The following MYOZ2 variants were observed in gnomAD, a reference collection of about 807,000 sequenced individuals.
The protein encoded by MYOZ2 is myozenin 2.
Under a neutral mutation model 25.4 loss-of-function variants are expected in MYOZ2, and 19 were observed. The observed-to-expected ratio is 0.75, with a 90% confidence interval of 0.52 to 1.10. MYOZ2 has a LOEUF of 1.10. MYOZ2 is among the 50% of genes least tolerant of loss of function. The pLI is 0.00. For synonymous variants in MYOZ2, 92 were observed against 106.9 expected, an observed-to-expected ratio of 0.86 and a Z score of 0.86; for missense variants, 270 against 317.9, an observed-to-expected ratio of 0.85 and a Z score of 1.15.
intron 2 of MYOZ2, among the ~76,000 whole-genome samples, chr4:119,143,330 G>A (rs1357982714): frequency 1.3e-5 from 2 of 151,846 alleles, no homozygotes; most frequent in African/African-American, 4.8e-5. Flanking sequence ...CGAGTAGCTG[G>A]GATTACAGGT....
At chr4:119,165,771 G>C (rs1023611090) in intron 5 of MYOZ2, among the ~76,000 whole-genome samples, 1 of 152,040 alleles carries the variant, frequency 6.6e-6, no homozygotes, top group South Asian at 2.1e-4. Context: ...GGAATAACTC[G>C]GATTTGTTTT....
At chr4:119,143,997 C>A (rs1273610196) in intron 2 of MYOZ2, among the ~76,000 whole-genome samples, 1 of 152,056 alleles carries the variant, frequency 6.6e-6, no homozygotes, top group Non-Finnish European at 1.5e-5. Context: ...TAACATCGAG[C>A]AAAACTATAG....
At chr4:119,138,219 C>G (rs185227325) in intron 2 of MYOZ2, among the ~76,000 whole-genome samples, 2 of 152,142 alleles carry the variant, frequency 1.3e-5, no homozygotes, top group Non-Finnish European at 2.9e-5. Flanking sequence ...AGCCCTCCCT[C>G]CCATGTCACT....
intron 2 of MYOZ2, among the ~76,000 whole-genome samples, chr4:119,137,909 G>C (rs1428233619): frequency 3.9e-5 from 6 of 152,068 alleles, no homozygotes; most frequent in Non-Finnish European, 8.8e-5. Flanking sequence ...ACTGGAGTTT[G>C]TGACAAAATT....
chr4:119,164,241 C>T lies in MYOZ2; in HGVS notation c.407C>T (p.Pro136Leu). 6.2e-7 allele frequency: 1 copy of T among 1,613,964 alleles called. No homozygotes were observed. Among genetic ancestry groups the T allele is most frequent in the Non-Finnish European group, 8.5e-7 (1 of 1,179,930 alleles). The change falls in exon 5 of 6, where the codon CCT becomes CTT. Residue 136 changes from proline to leucine, a missense_variant. Pro to Leu is a moderately conservative substitution (Grantham distance 98). Transcript: ENST00000307128. ...GYSGPLKEIP[P>L]EKFNTTAVPK... Reference sequence around the variant, plus strand: ...TCTGGACCACTGAAGGAAATTCCTCCTGAAAAATTCAACACCACAGCTGTC... The same window carrying T: ...TCTGGACCACTGAAGGAAATTCCTCTTGAAAAATTCAACACCACAGCTGTC...
chr4:119,136,777 T>C (rs1741034363), intron 2 of MYOZ2, among the ~76,000 whole-genome samples, 176 bp downstream of exon 2: 1 of 152,180 alleles, frequency 6.6e-6, no homozygotes, highest in East Asian at 1.9e-4. Flanking sequence ...TTTGTAGTCA[T>C]CCTTTCTCAT....
At chr4:119,147,275 G>GT (rs142008862) in intron 2 of MYOZ2, among the ~76,000 whole-genome samples, 33 of 145,696 alleles carry the variant, frequency 2.3e-4, no homozygotes, top group Admixed American at 2.7e-4. Context: ...TTACATTCCT[G>GT]TTTTTTTTTT....
In MYOZ2 at chr4:119,186,403, C is replaced by T; in HGVS notation, c.*203C>T. ...CTTACTTTAAAAAACTTATAACTCA[C>T]TTGTCTTCATTCATAATTTTGTTTT... On this transcript the variant is annotated 3_prime_UTR_variant, in exon 6 of 6. Transcript: ENST00000307128. 1 of 555,294 alleles carries T rather than the reference C, an allele frequency of 1.8e-6. No individual in the cohort carries two copies. The highest frequency in any genetic ancestry group is 1.9e-5 in the African/African-American group (1 of 52,510). The allele number at this position is 555,294 out of a possible 1,614,324, so 34.4% of individuals were successfully genotyped here. A position where few individuals can be genotyped will look rare whatever the true frequency, so the allele number is the denominator to read the frequency against.
intron 5 of MYOZ2, among the ~76,000 whole-genome samples, chr4:119,175,137 C>G (rs1742037898): frequency 6.6e-6 from 1 of 151,388 alleles, no homozygotes; most frequent in South Asian, 2.1e-4. Context: ...CAAGAACCCA[C>G]CAATTCCCGA....
At chr4:119,182,644 C>T (rs1397763317) in intron 5 of MYOZ2, among the ~76,000 whole-genome samples, 5 of 152,110 alleles carry the variant, frequency 3.3e-5, no homozygotes, top group Admixed American at 2.0e-4. Context: ...CAACCTTGAT[C>T]CCTCACATGC....
intron 2 of MYOZ2, among the ~76,000 whole-genome samples, chr4:119,148,318 T>C (rs922494673): frequency 3.9e-5 from 6 of 152,180 alleles, no homozygotes; most frequent in Non-Finnish European, 8.8e-5. Flanking sequence ...ATAAGTCTTG[T>C]TGTGAGTTAT....
chr4:119,165,299 C>T (rs1457415004), intron 5 of MYOZ2, among the ~76,000 whole-genome samples: 1 of 151,434 alleles, frequency 6.6e-6, no homozygotes. Flanking sequence ...CACTTGAACC[C>T]AGGAGTTCAA....
rs1215870476 is a variant in MYOZ2 at position 119,151,108 on chromosome 4, T to G, written c.246+67T>G. On this transcript the variant is annotated intron_variant, in intron 3 of 5. Coordinates refer to ENST00000307128, the MANE Select transcript of MYOZ2 (RefSeq NM_016599.5). ...ATATTTCTAAATTTGTATTTATGAC[T>G]AGTTTCTGAAGGAAGTATTCTATAT... 4 of 1,473,046 alleles carry G rather than the reference T, an allele frequency of 2.7e-6. No individual in the cohort carries two copies. The East Asian group carries it at 9.1e-5, about 33-fold the overall frequency. The allele number at this position is 1,473,046 out of a possible 1,614,324, so 91.2% of individuals were successfully genotyped here. A position where few individuals can be genotyped will look rare whatever the true frequency, so the allele number is the denominator to read the frequency against.
chr4:119,164,127 A>C (rs747960340), intron 4 of MYOZ2, 84 bp from the exon 5 acceptor site: 138 of 1,334,276 alleles, frequency 1.0e-4, no homozygotes, highest in Non-Finnish European at 1.4e-4. Flanking sequence ...CCCAGCATGA[A>C]AAATCAAACA....
intron 5 of MYOZ2, among the ~76,000 whole-genome samples, chr4:119,184,730 A>G (rs1055595031): frequency 6.6e-6 from 1 of 152,240 alleles, no homozygotes; most frequent in Non-Finnish European, 1.5e-5. Context: ...CAAAAAAGTT[A>G]TGTGGGATCT....
chr4:119,151,838 A>G (rs1741458625), intron 3 of MYOZ2, among the ~76,000 whole-genome samples: 1 of 152,148 alleles, frequency 6.6e-6, no homozygotes, highest in Admixed American at 6.6e-5. Flanking sequence ...GTTTCTTCCT[A>G]GAGCTATGAA....
At chr4:119,140,580 C>G (rs1741141483) in intron 2 of MYOZ2, among the ~76,000 whole-genome samples, 1 of 152,110 alleles carries the variant, frequency 6.6e-6, no homozygotes, top group South Asian at 2.1e-4. Flanking sequence ...GCATCTAACC[C>G]CTAATAAGGC....
At chr4:119,178,219 G>A (rs1742118343) in intron 5 of MYOZ2, among the ~76,000 whole-genome samples, 1 of 152,064 alleles carries the variant, frequency 6.6e-6, no homozygotes, top group Non-Finnish European at 1.5e-5. Context: ...AGCCTTCATT[G>A]CTGGCTCCTC....
intron 3 of MYOZ2, among the ~76,000 whole-genome samples, chr4:119,154,604 A>T (rs913191958): frequency 6.6e-6 from 1 of 152,128 alleles, no homozygotes; most frequent in Non-Finnish European, 1.5e-5. Flanking sequence ...ATTATTTGTA[A>T]GTTTAGGTGA....
Sources: allele counts gnomAD v4.1 joint callset (sites outside exome capture counted in the v4.1 genomes callset), GRCh38; gene constraint gnomAD v4.1.1; transcripts MANE v1.5; gene names NCBI Gene and HGNC (gene_info 2026-07-23, HGNC 2026-07-21).